The following MAST2 variants were observed in gnomAD, a reference collection of about 807,000 sequenced individuals.
MAST2 encodes the protein microtubule-associated serine/threonine-protein kinase 2.
In MAST2, 70 loss-of-function variants were observed where a neutral mutation model predicts 147.4. The ratio of observed to expected loss-of-function variants is 0.47; its 90% CI spans 0.39 to 0.58. MAST2 has a LOEUF of 0.58. MAST2 is among the 20% of genes least tolerant of loss of function. MAST2 has a pLI of 0.00. For synonymous variants in MAST2, 869 were observed against 896.8 expected (o/e 0.97, Z 0.55); for missense variants, 2,080 against 2,302.3 (o/e 0.90, Z 1.98).
rs76046285 is a variant in MAST2 at position 45,977,022 on chromosome 1, C to T, written c.592+17545C>T. 7.0e-4 allele frequency among the ~76,000 whole-genome samples: 107 copies of T among 152,230 alleles called. No individual in the cohort carries two copies. The East Asian group carries it at 0.013, about 19-fold the overall frequency. ...ATGTTTGTATAGAGAAATTGGAAAA[C>T]GTGGCTCTTCACAAGAAAATCAATT... On this transcript the variant is annotated intron_variant, in intron 5 of 28. Coordinates refer to ENST00000361297, the MANE Select transcript of MAST2 (RefSeq NM_015112.3).
intron 7 of MAST2, among the ~76,000 whole-genome samples, 149 bp from the exon 8 acceptor site, chr1:46,006,080 AACAGGATCAAGC>A: frequency 6.6e-6 from 1 of 152,186 alleles, no homozygotes; most frequent in East Asian, 1.9e-4. Flanking sequence ...GCTGGAGAAA[AACAGGATCAAGC>A]ACAGGCAAGG....
At chr1:45,939,992 T>TGTTTTTTTTG (rs1470991333) in intron 4 of MAST2, among the ~76,000 whole-genome samples, 2 of 138,670 alleles carry the variant, frequency 1.4e-5, no homozygotes, top group African/African-American at 2.7e-5. Flanking sequence ...TTTTTTTTTT[T>TGTTTTTTTTG]TTTTTTTTTG....
chr1:46,022,866 C>G, intron 12 of MAST2, 44 bp from the exon 13 acceptor site: 4 of 1,470,602 alleles, frequency 2.7e-6, no homozygotes, highest in Non-Finnish European at 3.8e-6. Flanking sequence ...GCTGAGATAC[C>G]TGACATTGCC....
intron 4 of MAST2, among the ~76,000 whole-genome samples, chr1:45,945,669 G>GTATTA (rs1657926135): frequency 6.6e-6 from 1 of 152,204 alleles, no homozygotes. Context: ...ATTAAAGTAT[G>GTATTA]TATTAGTAAC....
chr1:45,931,069 T>C (rs1324963054), intron 4 of MAST2, among the ~76,000 whole-genome samples: 1 of 152,206 alleles, frequency 6.6e-6, no homozygotes, highest in East Asian at 1.9e-4. Context: ...CATTAATAAA[T>C]ATTACCATCT....
intron 18 of MAST2, 135 bp downstream of exon 18, chr1:46,029,068 G>T (rs1399145843): frequency 3.0e-6 from 3 of 1,016,436 alleles, no homozygotes; most frequent in Non-Finnish European, 2.9e-6. Context: ...GCTGCTTTGG[G>T]GATGGGTGTC....
intron 6 of MAST2, among the ~76,000 whole-genome samples, chr1:46,000,487 G>C (rs1453049382): frequency 2.0e-5 from 3 of 152,170 alleles, no homozygotes; most frequent in South Asian, 2.1e-4. Context: ...TTGATACCAT[G>C]GGTCTGTTTC....
chr1:45,810,671 C>T (rs1282584065), intron 1 of MAST2, among the ~76,000 whole-genome samples: 2 of 150,896 alleles, frequency 1.3e-5, no homozygotes, highest in African/African-American at 2.4e-5. Context: ...AATAGCCAGG[C>T]GTCTTGGTGG....
chr1:45,895,946 A>G (rs371629606), intron 4 of MAST2, among the ~76,000 whole-genome samples: 20 of 152,344 alleles, frequency 1.3e-4, no homozygotes, highest in Middle Eastern at 6.8e-3. Context: ...ATTTTTACCA[A>G]AATTGTTATT....
chr1:46,011,324 CTATT>C (rs2149239346), intron 10 of MAST2, among the ~76,000 whole-genome samples: 1 of 152,324 alleles, frequency 6.6e-6, no homozygotes, highest in African/African-American at 2.4e-5. Flanking sequence ...AGCCTTCAGA[CTATT>C]TATCCTCAGC....
chr1:46,009,093 C>T (rs1345544787), intron 9 of MAST2, among the ~76,000 whole-genome samples: 1 of 152,108 alleles, frequency 6.6e-6, no homozygotes, highest in African/African-American at 2.4e-5. Context: ...CTTGCTCTGT[C>T]ACCCAGGCTG....
intron 17 of MAST2, 62 bp from the exon 18 acceptor site, chr1:46,028,706 C>T: frequency 1.3e-6 from 2 of 1,575,680 alleles, no homozygotes; most frequent in Non-Finnish European, 1.7e-6. Flanking sequence ...TCCCCCATCT[C>T]CGGCTGTCAT....
chr1:45,811,516 T>C (rs1381700996), intron 1 of MAST2, among the ~76,000 whole-genome samples: 1 of 150,362 alleles, frequency 6.7e-6, no homozygotes, highest in African/African-American at 2.5e-5. Context: ...TTTTTTTGTA[T>C]TTTTAGTAGA....
chr1:45,937,147 GGTGATCCTAAACCCCTGGGCTCAA>G (rs1656324075), intron 4 of MAST2, among the ~76,000 whole-genome samples: 1 of 151,228 alleles, frequency 6.6e-6, no homozygotes, highest in African/African-American at 2.4e-5. Flanking sequence ...CGTTGCCCAG[GGTGATCCTAAACCCCTGGGCTCAA>G]GTGATCCTTC....
intron 4 of MAST2, among the ~76,000 whole-genome samples, chr1:45,949,131 A>G (rs1275137210): frequency 6.6e-6 from 1 of 150,962 alleles, no homozygotes; most frequent in Non-Finnish European, 1.5e-5. Flanking sequence ...AAACCCTGGA[A>G]GACAACCTAA....
intron 5 of MAST2, among the ~76,000 whole-genome samples, chr1:45,961,056 A>C (rs1660346268): frequency 6.6e-6 from 1 of 152,180 alleles, no homozygotes; most frequent in Non-Finnish European, 1.5e-5. Flanking sequence ...TCTTTGGCTC[A>C]GATTCTCTTA....
chr1:45,938,005 A>G (rs1656550923), intron 4 of MAST2, among the ~76,000 whole-genome samples: 2 of 152,188 alleles, frequency 1.3e-5, no homozygotes, highest in South Asian at 4.1e-4. Context: ...GCTCTAAGCA[A>G]TAACTCATCT....
In MAST2 at chr1:45,986,096, A is replaced by G. The variant is rs533925719; in HGVS notation, c.593-11628A>G. On this transcript the variant is annotated intron_variant, in intron 5 of 28. Coordinates refer to ENST00000361297, the MANE Select transcript of MAST2 (RefSeq NM_015112.3). The stretch of plus-strand genomic sequence containing the variant: ...TTTTGAATAGAAATGGTAATCGTAG[A>G]TATTCTTGCCTTGTTCCTGATCTTA... Among the ~76,000 whole-genome samples the G allele has an allele frequency of 7.2e-5, 11 of 152,292 alleles. No homozygotes were observed. The East Asian group carries it at 1.5e-3, about 21-fold the overall frequency.
chr1:45,930,474 T>C (rs1368689379), intron 4 of MAST2, among the ~76,000 whole-genome samples: 5 of 152,074 alleles, frequency 3.3e-5, no homozygotes, highest in Admixed American at 2.6e-4. Context: ...GAAATTGAGA[T>C]AGATGCATTC....
Sources: allele counts gnomAD v4.1 joint callset (sites outside exome capture counted in the v4.1 genomes callset), GRCh38; gene constraint gnomAD v4.1.1; transcripts MANE v1.5; gene names NCBI Gene and HGNC (gene_info 2026-07-23, HGNC 2026-07-21).